SLMAP: variants seen among roughly 807,000 people sequenced by gnomAD.
SLMAP encodes sarcolemmal membrane-associated protein.
A neutral mutation model predicts 128.8 loss-of-function variants in SLMAP; 44 were observed. The ratio of observed to expected loss-of-function variants is 0.34; its 90% CI spans 0.27 to 0.44. SLMAP has a LOEUF of 0.44. SLMAP is among the 20% of genes least tolerant of loss of function. The pLI, the probability that SLMAP is intolerant of heterozygous loss-of-function variation, is 1.00. For missense variants in SLMAP, 787 were observed against 985.3 expected, an observed-to-expected ratio of 0.80 and a Z score of 2.69; for synonymous variants, 327 against 348.8, an observed-to-expected ratio of 0.94 and a Z score of 0.70.
chr3:57,786,884 C>T (rs948687097), intron 2 of SLMAP, among the ~76,000 whole-genome samples: 1 of 152,056 alleles, frequency 6.6e-6, no homozygotes, highest in African/African-American at 2.4e-5. Flanking sequence ...CAGGCGCCTG[C>T]CATCACGCCT....
chr3:57,858,864 C>T (rs952174052), intron 8 of SLMAP, among the ~76,000 whole-genome samples: 1 of 152,082 alleles, frequency 6.6e-6, no homozygotes, highest in Non-Finnish European at 1.5e-5. Flanking sequence ...ATCCCTTGAA[C>T]CCAGGAGGCA....
intron 19 of SLMAP, among the ~76,000 whole-genome samples, chr3:57,909,472 A>C (rs540228262): frequency 1.3e-5 from 2 of 149,428 alleles, no homozygotes; most frequent in Non-Finnish European, 3.0e-5. Context: ...ACTGCACTCC[A>C]GCCTGGGTGA....
chr3:57,909,011 G>C, intron 18 of SLMAP, 65 bp from the exon 19 acceptor site: 1 of 1,139,726 alleles, frequency 8.8e-7, no homozygotes, highest in Non-Finnish European at 1.3e-6. Context: ...ATTTTCAGCT[G>C]CTCAACTCTG....
chr3:57,901,794 G>A (rs1370299169), intron 17 of SLMAP: 5 of 152,228 alleles, frequency 3.3e-5, no homozygotes, highest in Non-Finnish European at 7.3e-5. Context: ...CATTTTGGGA[G>A]GCCAAAGTGG....
At chr3:57,925,675 A>G (rs1197746698) in intron 23 of SLMAP, among the ~76,000 whole-genome samples, 170 bp from the exon 24 acceptor site, 1 of 152,202 alleles carries the variant, frequency 6.6e-6, no homozygotes, top group Non-Finnish European at 1.5e-5. Context: ...ACCACAGTCT[A>G]TCAGATTGTG....
intron 14 of SLMAP, among the ~76,000 whole-genome samples, chr3:57,889,272 G>A (rs1306181017): frequency 6.6e-6 from 1 of 152,228 alleles, no homozygotes; most frequent in Admixed American, 6.5e-5. Context: ...GGAGCCATGG[G>A]CATTGGGAGA....
chr3:57,901,806 C>G (rs2096387655), intron 17 of SLMAP: 1 of 152,094 alleles, frequency 6.6e-6, no homozygotes, highest in African/African-American at 2.4e-5. Flanking sequence ...CCAAAGTGGG[C>G]AGATCACTTG....
intron 24 of SLMAP, chr3:57,926,364 G>A (rs530746948): frequency 1.2e-5 from 2 of 162,648 alleles, no homozygotes; most frequent in East Asian, 3.7e-4. Context: ...TTTTCATAGT[G>A]TAGATTTTCT....
chr3:57,899,587 C>T (rs558376562), intron 17 of SLMAP: 1 of 152,070 alleles, frequency 6.6e-6, no homozygotes, highest in South Asian at 2.1e-4. Flanking sequence ...TTTTTAGAGA[C>T]AGGGGTCTTG....
chr3:57,785,453 G>A (rs1304708712), intron 2 of SLMAP, among the ~76,000 whole-genome samples: 1 of 152,154 alleles, frequency 6.6e-6, no homozygotes, highest in Non-Finnish European at 1.5e-5. Flanking sequence ...ATGCATTTAA[G>A]GGGATTAGAG....
Position 57,872,218 on chromosome 3 carries a change from C to T in SLMAP, c.1300+520C>T, listed in dbSNP as rs370335481. On this transcript the variant is annotated intron_variant, in intron 14 of 24. Transcript: ENST00000671191. ...GTGGGAGGCTGAGGTGGGAGAATCG[C>T]TTGAACCTGGTAGGCAGATGTTGCA... Among the ~76,000 whole-genome samples the T allele has an allele frequency of 7.4e-4, 112 of 152,306 alleles. 2 individuals are homozygous for T. Among genetic ancestry groups the T allele is most frequent in the African/African-American group, 2.5e-3 (104 of 41,558 alleles).
At chr3:57,884,273 C>T (rs2095823246) in intron 14 of SLMAP, among the ~76,000 whole-genome samples, 1 of 152,114 alleles carries the variant, frequency 6.6e-6, no homozygotes. Flanking sequence ...GTATCTCTTT[C>T]TTTATTCAGA....
At chr3:57,896,686 G>C in intron 16 of SLMAP, 95 bp downstream of exon 16, 1 of 1,270,390 alleles carries the variant, frequency 7.9e-7, no homozygotes, top group East Asian at 2.5e-5. Context: ...TATGTGTTTG[G>C]GGAAAAAAAA....
chr3:57,846,951 G>A (rs894034335), intron 4 of SLMAP, among the ~76,000 whole-genome samples: 1 of 152,108 alleles, frequency 6.6e-6, no homozygotes, highest in Non-Finnish European at 1.5e-5. Flanking sequence ...TCCTCAAAGA[G>A]CATTTAATAC....
intron 2 of SLMAP, among the ~76,000 whole-genome samples, chr3:57,807,947 A>G (rs2090205771): frequency 6.6e-6 from 1 of 151,976 alleles, no homozygotes; most frequent in South Asian, 2.1e-4. Flanking sequence ...TCCATTTCAG[A>G]ACTTGTTATT....
At chr3:57,816,310 AT>A (rs1211819396) in intron 2 of SLMAP, among the ~76,000 whole-genome samples, 1 of 151,796 alleles carries the variant, frequency 6.6e-6, no homozygotes, top group African/African-American at 2.4e-5. Context: ...CACCTGGCTA[AT>A]TTTTGTATTT....
chr3:57,868,826 T>C lies in SLMAP; in HGVS notation c.1238-2810T>C, dbSNP rs866366828. On this transcript the variant is annotated intron_variant, in intron 13 of 24. Coordinates refer to ENST00000671191, the MANE Select transcript of SLMAP (RefSeq NM_001377540.1). ...TATATATATATATATATATATAAAA[T>C]ATATATATGTGTATTATATATAAAA... Among the ~76,000 whole-genome samples the C allele has an allele frequency of 3.7e-5, 5 of 135,094 alleles. No individual in the cohort carries two copies. In the Admixed American group the frequency reaches 4.0e-4, roughly 11 times the overall value. The allele number at this position is 135,094 out of a possible 152,430, so 88.6% of individuals were successfully genotyped here.
At chr3:57,842,220 C>T (rs374581282) in intron 4 of SLMAP, among the ~76,000 whole-genome samples, 15 of 152,248 alleles carry the variant, frequency 9.9e-5, no homozygotes, top group East Asian at 3.9e-4. Flanking sequence ...CATTACTGTC[C>T]GTGCTTTCAG....
At position 57,925,834 on chromosome 3, in the gene SLMAP, C is replaced by G. The variant is rs1442785602; in HGVS notation, c.2446-11C>G. 1 of 1,540,790 alleles carries G rather than the reference C, an allele frequency of 6.5e-7. No homozygotes were observed. Among genetic ancestry groups the G allele is most frequent in the South Asian group, 1.2e-5 (1 of 83,824 alleles). On this transcript the variant is annotated splice_polypyrimidine_tract_variant and intron_variant, in intron 23 of 24. Coordinates refer to ENST00000671191, the MANE Select transcript of SLMAP (RefSeq NM_001377540.1). The stretch of plus-strand genomic sequence containing the variant: ...GCATAAAATGATTTTAATATGCCTT[C>G]CCTTCTTTAGCCTTCCATATTACAA...
Sources: allele counts gnomAD v4.1 joint callset (sites outside exome capture counted in the v4.1 genomes callset), GRCh38; gene constraint gnomAD v4.1.1; transcripts MANE v1.5; gene names NCBI Gene and HGNC (gene_info 2026-07-23, HGNC 2026-07-21).